Variants in MALRD1 observed in about 807,000 individuals in gnomAD.
MALRD1 encodes the protein MAM and LDL receptor class A domain containing 1.
Under a neutral mutation model 242.1 loss-of-function variants are expected in MALRD1, and 247 were observed. The observed-to-expected ratio is 1.02, with a 90% CI of 0.92 to 1.13. The LOEUF (loss-of-function observed/expected upper bound fraction) is 1.13, where lower values mean the gene tolerates loss of function less well. Among genes scored for constraint, MALRD1 ranks in the 50% most tolerant of loss-of-function variants. The probability of loss-of-function intolerance (pLI) is 0.00; values close to 1 mark genes in which losing one functional copy is unlikely to be tolerated. For missense variants in MALRD1, 2,989 were observed against 2,533.1 expected (o/e 1.18, Z -3.86); for synonymous variants, 995 against 866.6 (o/e 1.15, Z -2.60).
intron 5 of MALRD1, among the ~76,000 whole-genome samples, chr10:19,114,278 A>T (rs1205216483): frequency 6.6e-6 from 1 of 152,230 alleles, no homozygotes. Flanking sequence ...TACTTTTGCC[A>T]TATTATAACA....
chr10:19,689,754 A>G (rs867566276), intron 36 of MALRD1, among the ~76,000 whole-genome samples: 2 of 152,270 alleles, frequency 1.3e-5, no homozygotes, highest in South Asian at 4.1e-4. Flanking sequence ...ATTGACATTC[A>G]TCATTTTATC....
chr10:19,223,196 C>T (rs1432582154), intron 18 of MALRD1, among the ~76,000 whole-genome samples: 13 of 151,994 alleles, frequency 8.6e-5, no homozygotes, highest in Non-Finnish European at 1.9e-4. Flanking sequence ...GATTATTATT[C>T]GAGGGCCTCC....
At chr10:19,442,108 G>T (rs1280391209) in intron 28 of MALRD1, among the ~76,000 whole-genome samples, 1 of 152,134 alleles carries the variant, frequency 6.6e-6, no homozygotes, top group Non-Finnish European at 1.5e-5. Flanking sequence ...GTGAATGGGA[G>T]TTCACTCATG....
Position 19,672,411 on chromosome 10 carries a change from CTT to C in MALRD1, c.6138-19854_6138-19853del, listed in dbSNP as rs200485712. ...TGATTGATGCAACAGAGATATATAGCTTTTTTTTTTTTTTTTTTGTATTTTGT... is the reference window on the plus strand; with the variant it reads ...TGATTGATGCAACAGAGATATATAGCTTTTTTTTTTTTTTTTGTATTTTGT... On this transcript the variant is annotated intron_variant, in intron 36 of 39. Coordinates refer to ENST00000454679, the MANE Select transcript of MALRD1 (RefSeq NM_001142308.3). 5.9e-3 allele frequency among the ~76,000 whole-genome samples: 746 copies of C among 125,494 alleles called. 1 individual carries two copies. Among genetic ancestry groups the C allele is most frequent in the African/African-American group, 0.021 (688 of 32,110 alleles). 82.3% of individuals were successfully genotyped at this position (125,494 alleles called of 152,430 possible).
At position 19,301,960 on chromosome 10, in the gene MALRD1, T is replaced by G. The variant is rs145637225; in HGVS notation, c.3419+18779T>G. 2.2e-3 allele frequency among the ~76,000 whole-genome samples: 334 copies of G among 151,820 alleles called. 2 individuals are homozygous for G. The highest frequency in any genetic ancestry group is 6.2e-3 in the Admixed American group (94 of 15,198). ...CTTTAAAATAGGAAAAGCATTTGAGTAGGTGTTTTTCCAAAGAAGTTATAC... is the reference window on the plus strand; with the variant it reads ...CTTTAAAATAGGAAAAGCATTTGAGGAGGTGTTTTTCCAAAGAAGTTATAC... On this transcript the variant is annotated intron_variant, in intron 21 of 39. Transcript: ENST00000454679.
rs550881245 is a variant in MALRD1, at chr10:19,104,142, T to G, written c.694+67T>G. On this transcript the variant is annotated intron_variant, in intron 5 of 39. Transcript: ENST00000454679. ...AGATTTCAGTGCAATTTAAACATTG[T>G]GATGACTTTAATCTGCTGTTTATTT... The G allele has an allele frequency of 1.5e-5, 13 of 890,866 alleles. No individual in the cohort carries two copies. In the African/African-American group the frequency reaches 2.1e-4, roughly 14 times the overall value. 55.2% of individuals were successfully genotyped at this position (890,866 alleles called of 1,614,324 possible). A position where few individuals can be genotyped will look rare whatever the true frequency, so the allele number is the denominator to read the frequency against.
intron 1 of MALRD1, among the ~76,000 whole-genome samples, chr10:19,060,665 G>T (rs12259176): frequency 6.6e-6 from 1 of 152,072 alleles, no homozygotes; most frequent in South Asian, 2.1e-4. Context: ...TGGATAGTCT[G>T]TTTTTCCTTG....
intron 19 of MALRD1, among the ~76,000 whole-genome samples, chr10:19,271,564 C>A (rs1564518533): frequency 6.6e-6 from 1 of 152,190 alleles, no homozygotes; most frequent in East Asian, 1.9e-4. Flanking sequence ...GAGATCGAGA[C>A]CATCCTGGCT....
At chr10:19,540,895 G>A (rs1834939308) in intron 32 of MALRD1, among the ~76,000 whole-genome samples, 1 of 152,112 alleles carries the variant, frequency 6.6e-6, no homozygotes, top group South Asian at 2.1e-4. Flanking sequence ...CAGGAGGATT[G>A]CTTGATGCCA....
At chr10:19,620,345 T>A (rs1458608404) in intron 36 of MALRD1, among the ~76,000 whole-genome samples, 1 of 151,978 alleles carries the variant, frequency 6.6e-6, no homozygotes, top group East Asian at 1.9e-4. Flanking sequence ...TAGGCCTCAG[T>A]GTTTGTTGTT....
chr10:19,248,782 T>A (rs917090933), intron 18 of MALRD1, among the ~76,000 whole-genome samples: 1 of 151,410 alleles, frequency 6.6e-6, no homozygotes, highest in African/African-American at 2.4e-5. Context: ...GAATTTTAGA[T>A]TCTAAATGTT....
rs998720461 is a variant in MALRD1, at chr10:19,664,135, T to C, written c.6138-28147T>C. Reference sequence around the variant, plus strand: ...GACTTTCATATTTTTTCCAGGGTTTTTTTTTTCTTGTGATCAGCTGCAAGA... The same window carrying C: ...GACTTTCATATTTTTTCCAGGGTTTCTTTTTTCTTGTGATCAGCTGCAAGA... On this transcript the variant is annotated intron_variant, in intron 36 of 39. Coordinates refer to ENST00000454679, the MANE Select transcript of MALRD1 (RefSeq NM_001142308.3). 4.4e-4 allele frequency among the ~76,000 whole-genome samples: 67 copies of C among 151,960 alleles called. 2 individuals carry two copies.
intron 32 of MALRD1, among the ~76,000 whole-genome samples, chr10:19,562,387 C>T (rs1372267333): frequency 1.3e-5 from 2 of 151,910 alleles, no homozygotes; most frequent in Non-Finnish European, 2.9e-5. Flanking sequence ...CTTGATGAGA[C>T]TTCTGGAAGT....
intron 39 of MALRD1, among the ~76,000 whole-genome samples, chr10:19,733,671 C>G (rs1221743449): frequency 6.7e-6 from 1 of 148,548 alleles, no homozygotes; most frequent in East Asian, 1.9e-4. Context: ...GTTGAAGAAA[C>G]CAGATTGCTT....
intron 38 of MALRD1, among the ~76,000 whole-genome samples, chr10:19,700,812 C>T (rs537935486): frequency 2.6e-5 from 4 of 152,310 alleles, no homozygotes; most frequent in East Asian, 3.9e-4. Flanking sequence ...TTGATCCACA[C>T]CTGCTCTTAG....
chr10:19,394,567 G>A (rs1019939138), intron 28 of MALRD1, among the ~76,000 whole-genome samples: 6 of 152,148 alleles, frequency 3.9e-5, no homozygotes, highest in Non-Finnish European at 7.4e-5. Flanking sequence ...AGCCTTGGTT[G>A]TAGACAAGGG....
At chr10:19,195,183 G>C (rs747235326) in intron 14 of MALRD1, among the ~76,000 whole-genome samples, 1 of 152,038 alleles carries the variant, frequency 6.6e-6, no homozygotes, top group Non-Finnish European at 1.5e-5. Flanking sequence ...TCTACTAGGG[G>C]GTCTTGGAAA....
chr10:19,209,730 T>G (rs1487477135), intron 18 of MALRD1, 50 bp downstream of exon 18: 1 of 1,442,900 alleles, frequency 6.9e-7, no homozygotes, highest in Non-Finnish European at 9.2e-7. Context: ...TCTGAATGTC[T>G]AAGGAATATG....
At chr10:19,681,285 G>C (rs2131793606) in intron 36 of MALRD1, among the ~76,000 whole-genome samples, 1 of 152,146 alleles carries the variant, frequency 6.6e-6, no homozygotes, top group Middle Eastern at 3.4e-3. Context: ...ATCTCTTTCA[G>C]GTACCCCAAT....
Sources: gnomAD v4.1 joint callset for allele counts (sites outside exome capture counted in the v4.1 genomes callset) on GRCh38, gnomAD v4.1.1 for gene constraint, MANE v1.5 for transcripts, NCBI Gene and HGNC (gene_info 2026-07-23, HGNC 2026-07-21) for gene names.